ARHGEF38: variants seen among roughly 807,000 people sequenced by gnomAD.
The protein encoded by ARHGEF38 is Rho guanine nucleotide exchange factor (GEF) 38.
Under a neutral mutation model 79.9 loss-of-function variants are expected in ARHGEF38, and 79 were observed. The observed-to-expected ratio is 0.99, with a 90% CI of 0.82 to 1.19. The LOEUF is 1.19. ARHGEF38 is among the 50% of genes most tolerant of loss of function. The probability of loss-of-function intolerance (pLI) is 0.00; values close to 1 mark genes in which losing one functional copy is unlikely to be tolerated. For synonymous variants in ARHGEF38, 366 were observed against 328.3 expected (o/e 1.11, Z -1.24); for missense variants, 962 against 907.2 (o/e 1.06, Z -0.78).
At chr4:105,642,150 A>T (rs1024515516) in intron 5 of ARHGEF38, among the ~76,000 whole-genome samples, 3 of 152,132 alleles carry the variant, frequency 2.0e-5, no homozygotes. Flanking sequence ...GTGGGAGATT[A>T]GATGGGGTGA....
chr4:105,600,520 G>C (rs1727775722), intron 2 of ARHGEF38, among the ~76,000 whole-genome samples: 2 of 152,174 alleles, frequency 1.3e-5, no homozygotes, highest in African/African-American at 4.8e-5. Flanking sequence ...GGCTCCGCCT[G>C]TGGTCCTCTT....
chr4:105,572,686 G>T (rs1309441416), intron 1 of ARHGEF38, among the ~76,000 whole-genome samples: 3 of 152,174 alleles, frequency 2.0e-5, no homozygotes, highest in South Asian at 2.1e-4. Flanking sequence ...TGTCCTCAAG[G>T]TTCATCCAGG....
At chr4:105,636,236 A>AT (rs1266144227) in intron 4 of ARHGEF38, among the ~76,000 whole-genome samples, 167 bp from the exon 5 acceptor site, 1 of 151,964 alleles carries the variant, frequency 6.6e-6, no homozygotes, top group African/African-American at 2.4e-5. Flanking sequence ...CATCTTCTTT[A>AT]TTTGTTAGGG....
At chr4:105,658,964 TG>T in intron 9 of ARHGEF38, 89 bp from the exon 10 acceptor site, 1 of 1,145,364 alleles carries the variant, frequency 8.7e-7, no homozygotes, top group Non-Finnish European at 1.2e-6. Context: ...GTGCTTCTCG[TG>T]GGGGAAAAGG....
intron 2 of ARHGEF38, among the ~76,000 whole-genome samples, chr4:105,600,272 C>T (rs1727765740): frequency 6.6e-6 from 1 of 152,160 alleles, no homozygotes; most frequent in Admixed American, 6.5e-5. Context: ...TAGAAGTGAT[C>T]ATGACAGAAG....
intron 10 of ARHGEF38, among the ~76,000 whole-genome samples, chr4:105,663,770 G>C (rs1239654785): frequency 1.3e-5 from 2 of 152,144 alleles, no homozygotes; most frequent in Admixed American, 1.3e-4. Flanking sequence ...GAGAGTTCAA[G>C]ACCAGCCTAG....
intron 4 of ARHGEF38, among the ~76,000 whole-genome samples, chr4:105,633,905 G>T (rs1341284930): frequency 6.6e-6 from 1 of 152,100 alleles, no homozygotes; most frequent in Non-Finnish European, 1.5e-5. Flanking sequence ...ATTCCCAAAA[G>T]AGTAGTAGAG....
intron 1 of ARHGEF38, among the ~76,000 whole-genome samples, chr4:105,565,688 T>G (rs190074320): frequency 1.3e-5 from 2 of 152,284 alleles, no homozygotes; most frequent in Admixed American, 1.3e-4. Flanking sequence ...GAAGACTTAC[T>G]CTCTCTAGAA....
intron 1 of ARHGEF38, among the ~76,000 whole-genome samples, chr4:105,572,635 T>C (rs1021203263): frequency 3.9e-5 from 6 of 152,206 alleles, no homozygotes; most frequent in African/African-American, 1.4e-4. Flanking sequence ...TGGGATCATA[T>C]GTATTTGCCC....
At position 105,601,853 on chromosome 4, in the gene ARHGEF38, T is replaced by G. The variant is rs138718076; in HGVS notation, c.385-11531T>G. Among the ~76,000 whole-genome samples, 254 of 152,326 alleles carry G rather than the reference T, an allele frequency of 1.7e-3. 3 individuals are homozygous for G. The highest frequency in any genetic ancestry group is 5.9e-3 in the African/African-American group (247 of 41,584). On this transcript the variant is annotated intron_variant, in intron 2 of 13. Coordinates refer to ENST00000420470, the MANE Select transcript of ARHGEF38 (RefSeq NM_001242729.2). ...TCCCCAAAATTCCGTATCTTCCTTT[T>G]GCTGTTTTTGTTTTATCCCTATAAC...
In ARHGEF38 at chr4:105,680,005, C is replaced by T. The variant is rs1236476004; in HGVS notation, c.*2068C>T. The T allele has an allele frequency of 6.3e-5, 69 of 1,087,732 alleles. 2 individuals are homozygous for T. Among genetic ancestry groups the T allele is most frequent in the Middle Eastern group, 6.0e-4 (2 of 3,350 alleles). 67.4% of individuals were successfully genotyped at this position (1,087,732 alleles called of 1,614,324 possible). On this transcript the variant is annotated 3_prime_UTR_variant, in exon 14 of 14. Transcript: ENST00000420470. ...TAAACACAGTGCATTCTGTTTTGTG[C>T]GGATTCATGGCCATGTCAGTTACAT...
At chr4:105,672,125 C>T (rs1035883626) in intron 13 of ARHGEF38, among the ~76,000 whole-genome samples, 5 of 152,012 alleles carry the variant, frequency 3.3e-5, no homozygotes, top group East Asian at 3.8e-4. Context: ...AACCTGGACG[C>T]GAAGACCTGA....
At chr4:105,605,157 A>G (rs553421453) in intron 2 of ARHGEF38, among the ~76,000 whole-genome samples, 4 of 152,146 alleles carry the variant, frequency 2.6e-5, no homozygotes, top group Non-Finnish European at 5.9e-5. Flanking sequence ...CCCTGTGTCA[A>G]GGCAGAGAAG....
intron 5 of ARHGEF38, among the ~76,000 whole-genome samples, chr4:105,643,185 A>T (rs948981251): frequency 1.3e-5 from 2 of 151,022 alleles, no homozygotes; most frequent in Non-Finnish European, 3.0e-5. Flanking sequence ...TTTATAATAG[A>T]TTTATTTTTA....
At position 105,566,585 on chromosome 4, in the gene ARHGEF38, A is replaced by G. The variant is rs6849578; in HGVS notation, c.196+13624A>G. ...AAATAACCCAGTTATACTCTCTTAGATATTTTGAAATGTACAATTAAATTA... is the reference window on the plus strand; with the variant it reads ...AAATAACCCAGTTATACTCTCTTAGGTATTTTGAAATGTACAATTAAATTA... On this transcript the variant is annotated intron_variant, in intron 1 of 13. Coordinates refer to ENST00000420470, the MANE Select transcript of ARHGEF38 (RefSeq NM_001242729.2). Among the ~76,000 whole-genome samples, 899 of 152,244 alleles carry G rather than the reference A, an allele frequency of 5.9e-3. 15 individuals carry two copies. The highest frequency in any genetic ancestry group is 0.02 in the African/African-American group (851 of 41,534).
intron 10 of ARHGEF38, among the ~76,000 whole-genome samples, chr4:105,664,578 C>T (rs548752581): frequency 1.3e-4 from 20 of 152,260 alleles, no homozygotes; most frequent in African/African-American, 4.6e-4. Context: ...TCACATTAAG[C>T]GTGTAAAGTA....
chr4:105,647,761 G>C (rs1324965800), intron 6 of ARHGEF38, among the ~76,000 whole-genome samples: 1 of 152,124 alleles, frequency 6.6e-6, no homozygotes, highest in East Asian at 1.9e-4. Flanking sequence ...GAAAATGATT[G>C]CAAAGATAAA....
intron 2 of ARHGEF38, among the ~76,000 whole-genome samples, chr4:105,589,849 T>A (rs1483386643): frequency 6.6e-6 from 1 of 151,842 alleles, no homozygotes; most frequent in Non-Finnish European, 1.5e-5. Context: ...CTGGCCAACA[T>A]GGTGAAACCT....
At chr4:105,577,616 G>A (rs186454232) in intron 1 of ARHGEF38, among the ~76,000 whole-genome samples, 7 of 151,952 alleles carry the variant, frequency 4.6e-5, no homozygotes, top group East Asian at 1.9e-4. Flanking sequence ...GCTGCTTATC[G>A]GTCTAATCAG....
Sources: gnomAD v4.1 joint callset for allele counts (sites outside exome capture counted in the v4.1 genomes callset) on GRCh38, gnomAD v4.1.1 for gene constraint, MANE v1.5 for transcripts, NCBI Gene and HGNC (gene_info 2026-07-23, HGNC 2026-07-21) for gene names.